Variants in DNAH11 observed in about 807,000 individuals in gnomAD.
The protein encoded by DNAH11 is dynein axonemal heavy chain 11.
A neutral mutation model predicts 526.0 loss-of-function variants in DNAH11; 442 were observed. The observed-to-expected ratio is 0.84, with a 90% CI of 0.78 to 0.91. The LOEUF (loss-of-function observed/expected upper bound fraction) is 0.91. DNAH11 is among the 40% of genes least tolerant of loss of function. DNAH11 has a pLI of 0.00. For synonymous variants in DNAH11, 2,461 were observed against 1,935.9 expected, an observed-to-expected ratio of 1.27 and a Z score of -7.12; for missense variants, 6,989 against 5,448.7, an observed-to-expected ratio of 1.28 and a Z score of -8.90.
chr7:21,711,216 T>C (rs1784453929), intron 41 of DNAH11, among the ~76,000 whole-genome samples: 1 of 152,170 alleles, frequency 6.6e-6, no homozygotes, highest in African/African-American at 2.4e-5. Context: ...GGGTCTGTTG[T>C]TGGGGTCAGC....
intron 51 of DNAH11, among the ~76,000 whole-genome samples, chr7:21,747,354 G>GT (rs1219378688): frequency 2.0e-5 from 3 of 152,034 alleles, no homozygotes; most frequent in African/African-American, 7.2e-5. Flanking sequence ...TCCCAACTTA[G>GT]TTTTTTCAAA....
rs1195750157 is a variant in DNAH11, at chr7:21,572,827, CT to C, written c.1593+855del. On this transcript the variant is annotated intron_variant, in intron 8 of 81. Coordinates refer to ENST00000409508, the MANE Select transcript of DNAH11 (RefSeq NM_001277115.2). Reference sequence around the variant, plus strand: ...CACTGCTGTAATAGGTGACTTTTTGCTAAACCAGGGCACTACACTTTGTGAA... The same window carrying C: ...CACTGCTGTAATAGGTGACTTTTTGCAAACCAGGGCACTACACTTTGTGAA... 5.5e-4 allele frequency among the ~76,000 whole-genome samples: 84 copies of C among 152,214 alleles called. 1 individual carries two copies. Among genetic ancestry groups the C allele is most frequent in the African/African-American group, 1.9e-3 (80 of 41,530 alleles).
chr7:21,592,015 A>T (rs560720814), intron 14 of DNAH11, among the ~76,000 whole-genome samples: 7 of 152,210 alleles, frequency 4.6e-5, no homozygotes, highest in Non-Finnish European at 7.3e-5. Context: ...TTCCTAAAAC[A>T]GTAACAGGCA....
chr7:21,726,030 G>A, intron 45 of DNAH11, 46 bp downstream of exon 45: 2 of 1,457,288 alleles, frequency 1.4e-6, no homozygotes, highest in Non-Finnish European at 9.1e-7. Flanking sequence ...TTTTCATATT[G>A]CTATAAAAAA....
intron 65 of DNAH11, 29 bp from the exon 66 acceptor site, chr7:21,842,515 C>A (rs1782246406): frequency 1.9e-6 from 3 of 1,592,014 alleles, no homozygotes; most frequent in Non-Finnish European, 2.6e-6. Context: ...ATAGGAGTCT[C>A]CTGAAAGTCT....
intron 7 of DNAH11, chr7:21,570,862 A>G (rs909553486): frequency 6.7e-6 from 1 of 148,828 alleles, no homozygotes. Flanking sequence ...TTACATTTAT[A>G]TGGTGTCTAT....
intron 30 of DNAH11, among the ~76,000 whole-genome samples, chr7:21,679,976 C>G (rs932989851): frequency 4.6e-5 from 7 of 152,170 alleles, no homozygotes; most frequent in African/African-American, 1.7e-4. Flanking sequence ...CCCATTCACT[C>G]GTCATTTAGC....
chr7:21,691,033 C>T (rs889406803), intron 35 of DNAH11, among the ~76,000 whole-genome samples, 152 bp downstream of exon 35: 3 of 152,078 alleles, frequency 2.0e-5, no homozygotes, highest in African/African-American at 7.2e-5. Flanking sequence ...AGAACTTTCA[C>T]CATGATAAAT....
At chr7:21,854,278 G>A in intron 67 of DNAH11, 37 bp from the exon 68 acceptor site, 3 of 1,604,282 alleles carry the variant, frequency 1.9e-6, no homozygotes, top group Non-Finnish European at 2.6e-6. Context: ...AATATGAAGA[G>A]TAAATAAGTT....
chr7:21,807,570 G>A (rs1414004037), intron 62 of DNAH11, among the ~76,000 whole-genome samples: 1 of 152,148 alleles, frequency 6.6e-6, no homozygotes, highest in African/African-American at 2.4e-5. Context: ...CAGAGGGACA[G>A]GGGAGAGACT....
chr7:21,681,595 C>A lies in DNAH11; in HGVS notation c.5378C>A (p.Pro1793His). ...ACACTTTTGCTGGGAGAACTTCCACCTGGAGACAGACAGAAGATCATGACA... is the reference window on the plus strand; with the variant it reads ...ACACTTTTGCTGGGAGAACTTCCACATGGAGACAGACAGAAGATCATGACA... ...LITLLLGELP[P>H]GDRQKIMTIC... is the part of the protein sequence containing the mutation. Residue 1793 changes from proline (P) to histidine (H), a missense_variant, in exon 31 of 82, where the codon CCT becomes CAT. Physicochemically the swap from Pro to His is moderately conservative, Grantham distance 77 (BLOSUM62 -2). Transcript: ENST00000409508. 6.2e-7 allele frequency: 1 copy of A among 1,613,760 alleles called. No individual in the cohort carries two copies. The highest frequency in any genetic ancestry group is 8.5e-7 in the Non-Finnish European group (1 of 1,179,780).
chr7:21,785,546 A>G (rs200725378), intron 58 of DNAH11, among the ~76,000 whole-genome samples: 1 of 152,214 alleles, frequency 6.6e-6, no homozygotes, highest in Non-Finnish European at 1.5e-5. Context: ...TGTGCACAGA[A>G]AAAGATTGGC....
rs759138369 is a variant in DNAH11 at position 21,570,276 on chromosome 7, C to T, written c.1402C>T (p.Leu468Phe). The part of the protein sequence containing the change: ...HLVFCRFDKF[L>F]DRLIKIEDIF... ...GGTGTTTTGCAGATTTGACAAGTTTCTTGATCGTTTAATAAAAATAGAGGT... is the reference window on the plus strand; with the variant it reads ...GGTGTTTTGCAGATTTGACAAGTTTTTTGATCGTTTAATAAAAATAGAGGT... Residue 468 changes from leucine to phenylalanine, a missense_variant, in exon 7 of 82, where the codon CTT becomes TTT. By Grantham distance (22) the Leu-to-Phe change is conservative (BLOSUM62 0). Transcript: ENST00000409508. 3 of 1,606,384 alleles carry T rather than the reference C, an allele frequency of 1.9e-6. No homozygotes were observed. The South Asian group carries it at 3.4e-5, about 18-fold the overall frequency.
At chr7:21,889,306 T>G (rs1249848114) in intron 76 of DNAH11, among the ~76,000 whole-genome samples, 1 of 152,236 alleles carries the variant, frequency 6.6e-6, no homozygotes, top group Non-Finnish European at 1.5e-5. Flanking sequence ...TCAGTGGACA[T>G]TTGGGTTGTT....
At chr7:21,728,465 GCCA>G (rs1583634777) in intron 45 of DNAH11, among the ~76,000 whole-genome samples, 1 of 151,748 alleles carries the variant, frequency 6.6e-6, no homozygotes, top group East Asian at 1.9e-4. Flanking sequence ...CACCATGTTG[GCCA>G]GGCTGGTCTT....
rs767287613 is a variant in DNAH11, at chr7:21,744,547, A to G, written c.8264A>G (p.Asp2755Gly). The G allele has an allele frequency of 6.2e-7, 1 of 1,613,322 alleles. No individual in the cohort carries two copies. The highest frequency in any genetic ancestry group is 1.3e-5 in the African/African-American group (1 of 74,884). The change falls in exon 50 of 82, where the codon GAT becomes GGT. Residue 2755 changes from aspartate to glycine, a missense_variant. Coordinates refer to ENST00000409508, the MANE Select transcript of DNAH11 (RefSeq NM_001277115.2). Reference sequence around the variant, plus strand: ...GGAGACAAACTGATAGACAAAAAAGATTGTGATTTGTTTCAGAGAAGAATG... The same window carrying G: ...GGAGACAAACTGATAGACAAAAAAGGTTGTGATTTGTTTCAGAGAAGAATG... The part of the protein sequence containing the change: ...VYGDKLIDKK[D>G]CDLFQRRMLE...
At chr7:21,794,681 A>G (rs1327771452) in intron 61 of DNAH11, among the ~76,000 whole-genome samples, 1 of 151,718 alleles carries the variant, frequency 6.6e-6, no homozygotes, top group Non-Finnish European at 1.5e-5. Context: ...ACTGAGATGA[A>G]GAAGAGAATT....
intron 18 of DNAH11, among the ~76,000 whole-genome samples, chr7:21,605,294 T>C (rs1785238852): frequency 6.6e-6 from 1 of 152,228 alleles, no homozygotes; most frequent in African/African-American, 2.4e-5. Flanking sequence ...GTTCCATCAC[T>C]GTGGGTGGGT....
intron 34 of DNAH11, among the ~76,000 whole-genome samples, chr7:21,688,115 C>G (rs570730432): frequency 3.3e-4 from 50 of 152,244 alleles, no homozygotes; most frequent in African/African-American, 1.1e-3. Context: ...GTTCTCAGTC[C>G]TCATCTTTCT....
Sources: allele counts gnomAD v4.1 joint callset (sites outside exome capture counted in the v4.1 genomes callset), GRCh38; gene constraint gnomAD v4.1.1; transcripts MANE v1.5; gene names NCBI Gene and HGNC (gene_info 2026-07-23, HGNC 2026-07-21).